Variants in ABCC5 observed in about 807,000 individuals in gnomAD.
The protein encoded by ABCC5 is ATP-binding cassette sub-family C member 5.
A neutral mutation model predicts 160.9 loss-of-function variants in ABCC5; 61 were observed. That is an observed-to-expected ratio of 0.38 (90% CI 0.31 to 0.47). The LOEUF is 0.47. Ranked by LOEUF, ABCC5 falls within the 20% of genes least tolerant of loss-of-function variation. The pLI is 0.99. For synonymous variants in ABCC5, 666 were observed against 700.6 expected (o/e 0.95, Z 0.78); for missense variants, 1,308 against 1,813.3 (o/e 0.72, Z 5.06).
At chr3:183,994,245 G>A (rs2108882129) in intron 2 of ABCC5, among the ~76,000 whole-genome samples, 1 of 152,256 alleles carries the variant, frequency 6.6e-6, no homozygotes, top group South Asian at 2.1e-4. Flanking sequence ...ATATAAAGCA[G>A]CTTGACATTA....
At position 183,937,642 on chromosome 3, in the gene ABCC5, C is replaced by G. The variant is rs116710760; in HGVS notation, c.3854+259G>C. On this transcript the variant is annotated intron_variant, in intron 26 of 29. Coordinates refer to ENST00000334444, the MANE Select transcript of ABCC5 (RefSeq NM_005688.4). ...AAATAACTTGTCCGAAGTCACGGAG[C>G]AGAGCCCTGGGCCCAGACCTCTCTG... Among the ~76,000 whole-genome samples, 756 of 152,334 alleles carry G rather than the reference C, an allele frequency of 5.0e-3. 12 individuals carry two copies. Among genetic ancestry groups the G allele is most frequent in the African/African-American group, 0.017 (706 of 41,582 alleles).
chr3:183,989,425 A>T (rs751269101), intron 2 of ABCC5, 42 bp from the exon 3 acceptor site: 1 of 1,605,872 alleles, frequency 6.2e-7, no homozygotes, highest in Admixed American at 1.7e-5. Context: ...CACAGTTAAT[A>T]CACAGGCGAG....
chr3:183,998,212 T>C (rs1720433742), intron 2 of ABCC5, among the ~76,000 whole-genome samples: 1 of 152,214 alleles, frequency 6.6e-6, no homozygotes, highest in Non-Finnish European at 1.5e-5. Context: ...GCAATTAGAC[T>C]TCTACCCAGT....
In ABCC5 at chr3:183,951,879, A is replaced by G; in HGVS notation, c.2792T>C (p.Ile931Thr). 1 of 1,613,790 alleles carries G rather than the reference A, an allele frequency of 6.2e-7. No homozygotes were observed. Among genetic ancestry groups the G allele is most frequent in the East Asian group, 2.2e-5 (1 of 44,870 alleles). The change falls in exon 19 of 30, where the codon ATT (isoleucine) becomes ACT (threonine). Residue 931 changes from isoleucine (I) to threonine (T), a missense_variant. By Grantham distance (89) the Ile-to-Thr change is moderately conservative (BLOSUM62 -1). Around this residue, in one of 3 missense-constraint regions of ABCC5, gnomAD observed 1,142 missense variants for 1,527.1 expected, o/e 0.75. Transcript: ENST00000334444. This position sits in a 1 kb window ranked among gnomAD's most constrained non-coding sequence, Gnocchi z 4.7. ...TACCTTGACAAAGACAACTCCTCGA[A>G]TGGCTTTCAGGATCAGCATGACTGC... ...SMAVMLILKA[I>T]RGVVFVKGTL...
At chr3:183,960,977 G>C (rs371385356) in intron 16 of ABCC5, among the ~76,000 whole-genome samples, 32 of 151,996 alleles carry the variant, frequency 2.1e-4, no homozygotes, top group African/African-American at 7.7e-4. Flanking sequence ...TGTAAAGACG[G>C]GGTTTCTCTC....
intron 2 of ABCC5, among the ~76,000 whole-genome samples, chr3:184,008,204 C>T (rs1050112357): frequency 5.3e-5 from 8 of 152,162 alleles, no homozygotes; most frequent in African/African-American, 1.9e-4. Context: ...CGGTTCAGTG[C>T]TGTGCATGCA....
At chr3:183,990,767 G>A (rs1471820280) in intron 2 of ABCC5, among the ~76,000 whole-genome samples, 2 of 152,170 alleles carry the variant, frequency 1.3e-5, no homozygotes, top group East Asian at 1.9e-4. Context: ...ATAAATGTTC[G>A]TTCATTAGAT....
At chr3:183,973,770 G>A (rs185263412) in intron 10 of ABCC5, among the ~76,000 whole-genome samples, 1 of 152,320 alleles carries the variant, frequency 6.6e-6, no homozygotes, top group African/African-American at 2.4e-5. Context: ...AAGCCTTCCT[G>A]AGAGATTGAA....
At chr3:184,003,530 T>G (rs183755164) in intron 2 of ABCC5, among the ~76,000 whole-genome samples, 14 of 152,324 alleles carry the variant, frequency 9.2e-5, no homozygotes, top group Admixed American at 9.2e-4. Context: ...AGAGCTATTA[T>G]TCCAAGTCAG....
In ABCC5 at chr3:183,965,423, T is replaced by C. The variant is rs1279724880; in HGVS notation, c.1912A>G (p.Thr638Ala). The change falls in exon 13 of 30, where the codon ACT (threonine) becomes GCT (alanine). Residue 638 changes from threonine (T) to alanine (A), a missense_variant. Around this residue, in one of 3 missense-constraint regions of ABCC5, gnomAD observed 1,142 missense variants for 1,527.1 expected, o/e 0.75. Transcript: ENST00000334444. ...CCAAACAGGATGTTGTCTCTCAGAG[T>C]AGCATTGAGGATCCAGGCCTGCTGG... Reference protein sequence around the residue: ...VAQQAWILNATLRDNILFGKE... With the variant: ...VAQQAWILNAALRDNILFGKE... 5 of 1,613,862 alleles carry C rather than the reference T, an allele frequency of 3.1e-6. No homozygotes were observed. The highest frequency in any genetic ancestry group is 4.2e-6 in the Non-Finnish European group (5 of 1,180,010).
At chr3:183,976,957 A>ACCTG (rs1484578728) in intron 10 of ABCC5, among the ~76,000 whole-genome samples, 2 of 152,204 alleles carry the variant, frequency 1.3e-5, no homozygotes, top group Non-Finnish European at 2.9e-5. Context: ...GAACACAGCC[A>ACCTG]AGGTATGATC....
rs762924078 is a variant in ABCC5 at position 183,987,955 on chromosome 3, G to C, written c.444-38C>G. On this transcript the variant is annotated intron_variant, in intron 4 of 29. Transcript: ENST00000334444. The surrounding 1 kb of genome is among the most constrained non-coding windows in gnomAD (Gnocchi z 4.2). Reference sequence around the variant, plus strand: ...ACACGTCCTCGTTACACATCTCCTCGGGGGAAAGGCACACCTAGCTCCCCG... The same window carrying C: ...ACACGTCCTCGTTACACATCTCCTCCGGGGAAAGGCACACCTAGCTCCCCG... The C allele has an allele frequency of 1.9e-6, 3 of 1,604,344 alleles. No homozygotes were observed. Among genetic ancestry groups the C allele is most frequent in the Non-Finnish European group, 2.6e-6 (3 of 1,174,882 alleles).
At chr3:183,925,789 C>T (rs916618981) in intron 28 of ABCC5, 70 bp from the exon 29 acceptor site, 2 of 1,407,750 alleles carry the variant, frequency 1.4e-6, no homozygotes, top group Admixed American at 2.2e-5. Flanking sequence ...CTAGATTTTA[C>T]TAAAATGTAT....
At chr3:183,923,941 G>C (rs1400173430) in intron 29 of ABCC5, among the ~76,000 whole-genome samples, 2 of 150,952 alleles carry the variant, frequency 1.3e-5, no homozygotes, top group African/African-American at 4.9e-5. Context: ...CAGTGCGGTT[G>C]CTGGCCTGAG....
At position 183,925,750 on chromosome 3, in the gene ABCC5, G is replaced by A. The variant is rs199540345; in HGVS notation, c.4048-31C>T. 106 of 1,599,774 alleles carry A rather than the reference G, an allele frequency of 6.6e-5. No homozygotes were observed. The African/African-American group carries it at 8.0e-4, about 12-fold the overall frequency. The stretch of plus-strand genomic sequence containing the variant: ...AGAGAAGCAGAGGAGAAAGAAACTC[G>A]ATTAAATTCCTTTAGCATTCTGGTT... On this transcript the variant is annotated intron_variant, in intron 28 of 29. Transcript: ENST00000334444.
intron 26 of ABCC5, among the ~76,000 whole-genome samples, chr3:183,935,566 C>T (rs190841809): frequency 7.9e-5 from 12 of 151,970 alleles, no homozygotes; most frequent in Non-Finnish European, 1.0e-4. Context: ...TGCAGTGGGA[C>T]GATCTCAGCT....
Position 183,959,714 on chromosome 3 carries a change from T to C in ABCC5, c.2482+19A>G, listed in dbSNP as rs777874597. 6.4e-7 allele frequency: 1 copy of C among 1,563,954 alleles called. No homozygotes were observed. The highest frequency in any genetic ancestry group is 2.2e-5 in the East Asian group (1 of 44,576). ...TAAACTTTGATGACAAATCTAAAAATTTCAAAAAAGGCCATTACCTTCCTC... is the reference window on the plus strand; with the variant it reads ...TAAACTTTGATGACAAATCTAAAAACTTCAAAAAAGGCCATTACCTTCCTC... On this transcript the variant is annotated intron_variant, in intron 17 of 29. Coordinates refer to ENST00000334444, the MANE Select transcript of ABCC5 (RefSeq NM_005688.4).
At chr3:183,961,725 C>T (rs994475795) in intron 15 of ABCC5, 71 bp from the exon 16 acceptor site, 8 of 1,574,176 alleles carry the variant, frequency 5.1e-6, no homozygotes, top group African/African-American at 4.1e-5. Flanking sequence ...TACATTAGTT[C>T]AGTAGTTCTC....
chr3:183,986,685 C>G (rs950705203), intron 5 of ABCC5: 1 of 152,126 alleles, frequency 6.6e-6, no homozygotes, highest in Admixed American at 6.5e-5. Flanking sequence ...TCTATGAGAT[C>G]AGAGCAGCCA....
Sources: allele counts gnomAD v4.1 joint callset (sites outside exome capture counted in the v4.1 genomes callset), GRCh38; gene constraint gnomAD v4.1.1; regional missense constraint gnomAD v4.1.1; non-coding constraint Gnocchi (gnomAD v3.1); transcripts MANE v1.5; gene names NCBI Gene and HGNC (gene_info 2026-07-23, HGNC 2026-07-21).